KIAA1217: variants seen among roughly 807,000 people sequenced by gnomAD.
KIAA1217 encodes sickle tail protein homolog.
KIAA1217 carries 88 observed loss-of-function variants against 163.9 expected under a neutral mutation model. That is an observed-to-expected ratio of 0.54 (90% CI 0.45 to 0.64). KIAA1217 has a LOEUF of 0.64. KIAA1217 is among the 30% of genes least tolerant of loss of function. KIAA1217 has a pLI of 0.00. For synonymous variants in KIAA1217, 903 were observed against 923.1 expected, an observed-to-expected ratio of 0.98 and a Z score of 0.39; for missense variants, 2,372 against 2,475.0, an observed-to-expected ratio of 0.96 and a Z score of 0.88.
chr10:24,159,804 G>C (rs1393781700), intron 2 of KIAA1217, among the ~76,000 whole-genome samples: 1 of 152,052 alleles, frequency 6.6e-6, no homozygotes, highest in Non-Finnish European at 1.5e-5. Flanking sequence ...TAGTTTTGAA[G>C]TTTTAGGTTT....
intron 1 of KIAA1217, among the ~76,000 whole-genome samples, chr10:23,924,265 T>G (rs1489100323): frequency 6.6e-6 from 1 of 152,164 alleles, no homozygotes; most frequent in African/African-American, 2.4e-5. Flanking sequence ...ATAACTGTCT[T>G]TACTTTTTAA....
chr10:24,102,417 CAT>C (rs1164657603), intron 2 of KIAA1217, among the ~76,000 whole-genome samples: 2 of 152,174 alleles, frequency 1.3e-5, no homozygotes, highest in Non-Finnish European at 2.9e-5. Flanking sequence ...AAATATATTA[CAT>C]GTTTGTGGAT....
intron 2 of KIAA1217, among the ~76,000 whole-genome samples, chr10:24,141,408 C>G (rs1251869333): frequency 6.6e-6 from 1 of 152,100 alleles, no homozygotes; most frequent in South Asian, 2.1e-4. Context: ...AGTGTAATCA[C>G]AAGAAATATG....
intron 3 of KIAA1217, among the ~76,000 whole-genome samples, chr10:24,381,372 C>G (rs1406322626): frequency 1.3e-5 from 2 of 152,130 alleles, no homozygotes; most frequent in African/African-American, 4.8e-5. Flanking sequence ...CCCCAGTCCC[C>G]AGGCCATGGA....
intron 1 of KIAA1217, among the ~76,000 whole-genome samples, chr10:23,951,069 T>C (rs139688882): frequency 2.2e-3 from 331 of 152,228 alleles, no homozygotes; most frequent in African/African-American, 7.7e-3. Flanking sequence ...CAACAGGATA[T>C]TATCGTTTGG....
intron 1 of KIAA1217, among the ~76,000 whole-genome samples, chr10:23,974,477 G>A (rs1442276908): frequency 6.6e-6 from 1 of 152,072 alleles, no homozygotes; most frequent in Non-Finnish European, 1.5e-5. Flanking sequence ...GGGTTTATAA[G>A]GATGAAGTAA....
intron 2 of KIAA1217, among the ~76,000 whole-genome samples, chr10:24,106,871 G>GT (rs1320991991): frequency 6.6e-6 from 1 of 152,130 alleles, no homozygotes; most frequent in Admixed American, 6.6e-5. Flanking sequence ...TGGTTGGTTG[G>GT]TTGGTTTTGT....
chr10:24,286,965 A>G (rs2078601474), intron 2 of KIAA1217, among the ~76,000 whole-genome samples: 1 of 152,206 alleles, frequency 6.6e-6, no homozygotes, highest in African/African-American at 2.4e-5. Context: ...AAATAATACA[A>G]AATTCCTCAG....
intron 1 of KIAA1217, among the ~76,000 whole-genome samples, chr10:23,819,586 T>C (rs1316990715): frequency 1.3e-5 from 2 of 152,130 alleles, no homozygotes; most frequent in African/African-American, 2.4e-5. Flanking sequence ...CAAACCTAAA[T>C]AATATAGATC....
chr10:23,880,478 G>A (rs1005352541), intron 1 of KIAA1217, among the ~76,000 whole-genome samples: 1 of 151,830 alleles, frequency 6.6e-6, no homozygotes, highest in East Asian at 2.0e-4. Context: ...GAAGGGAAGT[G>A]GGAGATGGTT....
chr10:23,932,522 G>A (rs150320655), intron 1 of KIAA1217, among the ~76,000 whole-genome samples: 181 of 151,226 alleles, frequency 1.2e-3, no homozygotes, highest in African/African-American at 4.4e-3. Context: ...CAACTTTGAA[G>A]AAATGTGTGT....
At chr10:23,991,769 G>A (rs1473257721) in intron 1 of KIAA1217, among the ~76,000 whole-genome samples, 2 of 152,136 alleles carry the variant, frequency 1.3e-5, no homozygotes, top group African/African-American at 2.4e-5. Context: ...GCGATAACAT[G>A]CACACATACT....
intron 2 of KIAA1217, among the ~76,000 whole-genome samples, chr10:24,326,922 G>A (rs1293539261): frequency 6.6e-6 from 1 of 152,190 alleles, no homozygotes; most frequent in Admixed American, 6.5e-5. Flanking sequence ...TTTAAGCAGA[G>A]AGAGGTGGTA....
At chr10:24,542,447 C>T in intron 17 of KIAA1217, 1 of 1,303,114 alleles carries the variant, frequency 7.7e-7, no homozygotes, top group Non-Finnish European at 1.0e-6. Context: ...CACTCCCCTA[C>T]AAAATTTTAA....
chr10:24,075,590 T>A (rs1438986127), intron 2 of KIAA1217, among the ~76,000 whole-genome samples: 1 of 150,688 alleles, frequency 6.6e-6, no homozygotes, highest in Non-Finnish European at 1.5e-5. Context: ...TGTCTCCAAA[T>A]CTAAAAGCAT....
intron 3 of KIAA1217, among the ~76,000 whole-genome samples, chr10:24,427,708 C>T (rs976823527): frequency 6.6e-5 from 10 of 152,142 alleles, no homozygotes; most frequent in Non-Finnish European, 1.5e-4. Flanking sequence ...GGCAGAGTCC[C>T]CTGGACAACC....
intron 1 of KIAA1217, among the ~76,000 whole-genome samples, chr10:23,982,563 C>CTG (rs1554834902): frequency 1.6e-3 from 231 of 146,424 alleles, no homozygotes; most frequent in African/African-American, 5.8e-3. Flanking sequence ...CTCTCTCTCT[C>CTG]TCTCTCTCTC....
intron 3 of KIAA1217, among the ~76,000 whole-genome samples, chr10:24,424,480 C>CA (rs2059021205): frequency 6.6e-6 from 1 of 152,232 alleles, no homozygotes; most frequent in Non-Finnish European, 1.5e-5. Flanking sequence ...GTTCCTGGCA[C>CA]AGGCCTGGCA....
chr10:24,155,182 A>G (rs1428181169), intron 2 of KIAA1217, among the ~76,000 whole-genome samples: 1 of 152,120 alleles, frequency 6.6e-6, no homozygotes, highest in Admixed American at 6.5e-5. Context: ...CACTTAGTGC[A>G]CTCCCAAACA....
Sources: gnomAD v4.1 joint callset for allele counts (sites outside exome capture counted in the v4.1 genomes callset) on GRCh38, gnomAD v4.1.1 for gene constraint, MANE v1.5 for transcripts, NCBI Gene and HGNC (gene_info 2026-07-23, HGNC 2026-07-21) for gene names.